Variants in ARAP2 observed in about 807,000 individuals in gnomAD.
The protein encoded by ARAP2 is ArfGAP with RhoGAP domain, ankyrin repeat and PH domain 2.
Under a neutral mutation model 194.5 loss-of-function variants are expected in ARAP2, and 148 were observed. That is an observed-to-expected ratio of 0.76 (90% CI 0.67 to 0.87). The LOEUF (loss-of-function observed/expected upper bound fraction) is 0.87. ARAP2 is among the 40% of genes least tolerant of loss of function. The pLI, the probability that ARAP2 is intolerant of heterozygous loss-of-function variation, is 0.00. For synonymous variants in ARAP2, 695 were observed against 683.5 expected (o/e 1.02, Z -0.26); for missense variants, 2,128 against 1,989.7 (o/e 1.07, Z -1.32).
chr4:36,166,172 G>T (rs573687319), intron 10 of ARAP2, among the ~76,000 whole-genome samples: 6 of 152,086 alleles, frequency 3.9e-5, no homozygotes, highest in African/African-American at 1.4e-4. Flanking sequence ...ACAATTGACA[G>T]TATATTTGAA....
intron 19 of ARAP2, among the ~76,000 whole-genome samples, chr4:36,141,060 A>G (rs1483499812): frequency 5.3e-5 from 8 of 151,668 alleles, no homozygotes; most frequent in Non-Finnish European, 1.2e-4. Flanking sequence ...TTTCTTAGAA[A>G]AAGATATGCA....
chr4:36,084,484 A>C (rs1224478184), intron 28 of ARAP2, among the ~76,000 whole-genome samples: 3 of 152,038 alleles, frequency 2.0e-5, no homozygotes, highest in Non-Finnish European at 4.4e-5. Context: ...TGGATTTCGG[A>C]ATTATGGAAA....
intron 6 of ARAP2, among the ~76,000 whole-genome samples, chr4:36,198,141 A>T (rs1425565516): frequency 6.6e-6 from 1 of 152,196 alleles, no homozygotes; most frequent in Non-Finnish European, 1.5e-5. Context: ...AGAATAGCTC[A>T]GAGGAGGTCC....
intron 9 of ARAP2, among the ~76,000 whole-genome samples, chr4:36,168,049 A>T (rs1735687556): frequency 6.6e-6 from 1 of 151,714 alleles, no homozygotes; most frequent in Non-Finnish European, 1.5e-5. Flanking sequence ...TTCAGTAAGG[A>T]CACTTGTTAG....
intron 6 of ARAP2, among the ~76,000 whole-genome samples, chr4:36,203,575 C>T (rs1744902489): frequency 6.6e-6 from 1 of 151,810 alleles, no homozygotes; most frequent in Non-Finnish European, 1.5e-5. Flanking sequence ...CAGAGCAACA[C>T]TGTGTCTCAA....
chr4:36,133,678 C>T (rs1330852503), intron 19 of ARAP2, among the ~76,000 whole-genome samples: 1 of 151,700 alleles, frequency 6.6e-6, no homozygotes, highest in East Asian at 1.9e-4. Context: ...CCTGTGACTT[C>T]TGACGGATAT....
chr4:36,024,734 T>C (rs1282361353), intron 5 of ARAP2, among the ~76,000 whole-genome samples: 2 of 152,130 alleles, frequency 1.3e-5, no homozygotes, highest in Non-Finnish European at 2.9e-5. Flanking sequence ...AATATGTGTA[T>C]AATAAATGCA....
intron 26 of ARAP2, among the ~76,000 whole-genome samples, chr4:36,109,856 T>TA (rs1553904853): frequency 3.9e-5 from 5 of 129,282 alleles, no homozygotes; most frequent in African/African-American, 1.5e-4. Context: ...ATGCTATCCC[T>TA]CCCCCTCCCC....
intron 11 of ARAP2, among the ~76,000 whole-genome samples, chr4:36,163,561 CATA>C (rs1300681436): frequency 3.3e-5 from 5 of 152,102 alleles, no homozygotes; most frequent in Admixed American, 1.3e-4. Context: ...TACAACTTTT[CATA>C]ATATCTTGTC....
chr4:36,072,278 T>C (rs985908507), intron 32 of ARAP2, among the ~76,000 whole-genome samples: 2 of 152,230 alleles, frequency 1.3e-5, no homozygotes, highest in East Asian at 1.9e-4. Context: ...TTTCCAGTAA[T>C]TGAAAATGCA....
At chr4:36,131,715 T>C (rs1025585528) in intron 20 of ARAP2, among the ~76,000 whole-genome samples, 1 of 151,716 alleles carries the variant, frequency 6.6e-6, no homozygotes. Context: ...AGAAAGGCCT[T>C]ATGCTATTAT....
intron 32 of ARAP2, among the ~76,000 whole-genome samples, chr4:36,070,917 A>T (rs1726704564): frequency 6.6e-6 from 1 of 152,208 alleles, no homozygotes; most frequent in African/African-American, 2.4e-5. Flanking sequence ...CCAAGTTTGC[A>T]TAAGTGAGAG....
intron 31 of ARAP2, among the ~76,000 whole-genome samples, chr4:36,076,030 C>T (rs1728179408): frequency 6.6e-6 from 1 of 152,136 alleles, no homozygotes; most frequent in Non-Finnish European, 1.5e-5. Context: ...TATTACTGAT[C>T]ATTTAAGAAA....
rs1335318415 is a variant in ARAP2, at chr4:36,167,027, AC to A, written c.1877del (p.Gly626ValfsTer4). 1 of 1,578,998 alleles carries A rather than the reference AC, an allele frequency of 6.3e-7. No individual in the cohort carries two copies. Among genetic ancestry groups the A allele is most frequent in the African/African-American group, 1.4e-5 (1 of 73,382 alleles). ...CTACATTCATAGGAATTATGGTAAT[AC>A]CAAGTCCACTCTTAAAATCCTAGTT... ...KNEQDFKSGLGITIIPMNVAN... is the reference protein window; with the variant it reads ...KNEQDFKSGLXITIIPMNVAN... On this transcript the variant is annotated frameshift_variant, in exon 10 of 33. Coordinates refer to ENST00000303965, the MANE Select transcript of ARAP2 (RefSeq NM_015230.4). LOFTEE classifies it high-confidence loss of function.
chr4:36,221,439 A>G (rs1749146654), intron 2 of ARAP2, among the ~76,000 whole-genome samples: 1 of 152,126 alleles, frequency 6.6e-6, no homozygotes, highest in African/African-American at 2.4e-5. Context: ...AAGTTCACAC[A>G]ACTCATAAGT....
chr4:36,238,061 T>G (rs1236586474), intron 1 of ARAP2, among the ~76,000 whole-genome samples: 1 of 152,202 alleles, frequency 6.6e-6, no homozygotes, highest in Non-Finnish European at 1.5e-5. Flanking sequence ...AACTGGTTGT[T>G]TGGCATCTCT....
chr4:36,014,230 A>G (rs928306774), intron 8 of ARAP2, among the ~76,000 whole-genome samples: 2 of 49,446 alleles, frequency 4.0e-5, no homozygotes, highest in African/African-American at 1.0e-4. Flanking sequence ...CTATCGAAAG[A>G]AAGAAAGAAA....
At chr4:36,160,689 T>C in intron 12 of ARAP2, 48 bp from the exon 13 acceptor site, 1 of 1,320,824 alleles carries the variant, frequency 7.6e-7, no homozygotes, top group South Asian at 2.2e-5. Context: ...TCATAAAATA[T>C]ATTTGAATCT....
intron 26 of ARAP2, among the ~76,000 whole-genome samples, chr4:36,112,006 C>T (rs2109491771): frequency 6.6e-6 from 1 of 152,032 alleles, no homozygotes; most frequent in East Asian, 1.9e-4. Context: ...AGGAGACAAT[C>T]ATCTTTCTAA....
Sources: gnomAD v4.1 joint callset for allele counts (sites outside exome capture counted in the v4.1 genomes callset) on GRCh38, gnomAD v4.1.1 for gene constraint, MANE v1.5 for transcripts, NCBI Gene and HGNC (gene_info 2026-07-23, HGNC 2026-07-21) for gene names.